CFAP221: variants seen among roughly 807,000 people sequenced by gnomAD.
CFAP221 encodes cilia and flagella associated protein 221, also known as cilia- and flagella-associated protein 221.
A neutral mutation model predicts 113.1 loss-of-function variants in CFAP221; 97 were observed. That is an observed-to-expected ratio of 0.86 (90% CI 0.73 to 1.02). The LOEUF (loss-of-function observed/expected upper bound fraction) is 1.02, where lower values mean the gene tolerates loss of function less well. Among genes scored for constraint, CFAP221 ranks in the 50% least tolerant of loss-of-function variants. CFAP221 has a pLI of 0.00. For synonymous variants in CFAP221, 331 were observed against 354.4 expected (o/e 0.93, Z 0.74); for missense variants, 1,025 against 1,013.4 (o/e 1.01, Z -0.16).
intron 11 of CFAP221, among the ~76,000 whole-genome samples, chr2:119,605,779 A>G (rs1684709416): frequency 6.6e-6 from 1 of 151,880 alleles, no homozygotes; most frequent in African/African-American, 2.4e-5. Flanking sequence ...TTTTTTTTTT[A>G]CCAGATCAGA....
At chr2:119,621,476 A>G (rs1321258251) in intron 14 of CFAP221, among the ~76,000 whole-genome samples, 2 of 152,192 alleles carry the variant, frequency 1.3e-5, no homozygotes, top group South Asian at 2.1e-4. Flanking sequence ...AATATTAGAA[A>G]GATCAATGGG....
intron 3 of CFAP221, among the ~76,000 whole-genome samples, chr2:119,557,958 CAAAAA>C (rs11286852): frequency 2.1e-4 from 22 of 103,994 alleles, no homozygotes; most frequent in Admixed American, 8.0e-4. Context: ...GACTCCGTCT[CAAAAA>C]AAAAAAAAAA....
intron 22 of CFAP221, among the ~76,000 whole-genome samples, chr2:119,651,504 A>G (rs746325987): frequency 0.028 from 4,321 of 152,260 alleles, 92 homozygotes; most frequent in Non-Finnish European, 0.039. Context: ...AAAAAAAAAA[A>G]AAAACTAGAC....
At chr2:119,599,874 ACTTATTAAGTG>A (rs1177864261) in intron 7 of CFAP221, among the ~76,000 whole-genome samples, 1 of 152,198 alleles carries the variant, frequency 6.6e-6, no homozygotes, top group African/African-American at 2.4e-5. Context: ...TGCCTGGCAC[ACTTATTAAGTG>A]CTTATTAAGT....
intron 8 of CFAP221, among the ~76,000 whole-genome samples, chr2:119,603,903 G>A (rs1329519782): frequency 1.3e-5 from 2 of 152,158 alleles, no homozygotes; most frequent in Non-Finnish European, 2.9e-5. Context: ...CGGGCTATTA[G>A]CTGCACTACC....
chr2:119,640,304 G>A (rs868159344), intron 21 of CFAP221, among the ~76,000 whole-genome samples: 1 of 151,792 alleles, frequency 6.6e-6, no homozygotes, highest in Non-Finnish European at 1.5e-5. Flanking sequence ...TGGCCCTCTT[G>A]TGCCACAGGC....
chr2:119,650,318 G>A (rs1025224127), intron 22 of CFAP221, among the ~76,000 whole-genome samples: 1 of 152,200 alleles, frequency 6.6e-6, no homozygotes, highest in Non-Finnish European at 1.5e-5. Context: ...CTTCAGTTCC[G>A]AAAAGGAATG....
At chr2:119,559,874 C>T in intron 4 of CFAP221, 54 bp from the exon 5 acceptor site, 1 of 1,487,898 alleles carries the variant, frequency 6.7e-7, no homozygotes, top group South Asian at 1.2e-5. Flanking sequence ...ACCCCCGGTG[C>T]TGCTCTCTGT....
chr2:119,645,849 T>C (rs1055994337), intron 21 of CFAP221, among the ~76,000 whole-genome samples: 2 of 152,192 alleles, frequency 1.3e-5, no homozygotes, highest in Non-Finnish European at 2.9e-5. Flanking sequence ...TCTAGGGTTC[T>C]AGAAATTTAT....
At chr2:119,646,774 C>G (rs1005555760) in intron 21 of CFAP221, among the ~76,000 whole-genome samples, 184 bp from the exon 22 acceptor site, 32 of 152,210 alleles carry the variant, frequency 2.1e-4, no homozygotes, top group Non-Finnish European at 7.3e-5. Flanking sequence ...CCAGGTTTGC[C>G]TGGGGCCTAT....
At chr2:119,625,982 A>G (rs774961642) in intron 15 of CFAP221, among the ~76,000 whole-genome samples, 4 of 152,162 alleles carry the variant, frequency 2.6e-5, no homozygotes, top group Non-Finnish European at 4.4e-5. Context: ...ATGCAAATTT[A>G]TCATCTCACA....
chr2:119,556,788 G>A (rs1255432310), intron 3 of CFAP221, among the ~76,000 whole-genome samples: 1 of 151,996 alleles, frequency 6.6e-6, no homozygotes, highest in African/African-American at 2.4e-5. Flanking sequence ...CTGACCTCAG[G>A]TGATCCACCT....
At chr2:119,580,911 C>G (rs1033569578) in intron 6 of CFAP221, 1 of 152,722 alleles carries the variant, frequency 6.5e-6, no homozygotes, top group Non-Finnish European at 1.5e-5. Context: ...GCACTTCCCA[C>G]GAAAGGAAGC....
At chr2:119,613,589 G>A (rs750113021) in intron 13 of CFAP221, among the ~76,000 whole-genome samples, 1 of 152,140 alleles carries the variant, frequency 6.6e-6, no homozygotes, top group Non-Finnish European at 1.5e-5. Flanking sequence ...CTGTACCTTG[G>A]CCCCTTTTAG....
chr2:119,652,299 T>C (rs779547878), intron 23 of CFAP221, among the ~76,000 whole-genome samples: 11 of 152,244 alleles, frequency 7.2e-5, no homozygotes, highest in Non-Finnish European at 1.3e-4. Context: ...TTCCATGTGC[T>C]TATCAATCAA....
chr2:119,617,927 C>G (rs946159777), intron 14 of CFAP221, among the ~76,000 whole-genome samples: 49 of 152,350 alleles, frequency 3.2e-4, no homozygotes, highest in Non-Finnish European at 5.1e-4. Context: ...GCTACCTCCT[C>G]TGCTCAGAGC....
rs552817202 is a variant in CFAP221 at position 119,579,571 on chromosome 2, A to G, written c.528-7548A>G. Among the ~76,000 whole-genome samples, 3 of 152,320 alleles carry G rather than the reference A, an allele frequency of 2.0e-5. No individual in the cohort carries two copies. The East Asian group carries it at 5.8e-4, about 29-fold the overall frequency. On this transcript the variant is annotated intron_variant, in intron 6 of 23. Transcript: ENST00000413369. The stretch of plus-strand genomic sequence containing the variant: ...CAGTAGTGAAAGCAAAAGTTCAGCA[A>G]TTCCACTGAAAACTGTACTACTTGC...
intron 13 of CFAP221, among the ~76,000 whole-genome samples, chr2:119,614,210 C>T (rs1685370228): frequency 6.6e-6 from 1 of 152,210 alleles, no homozygotes; most frequent in African/African-American, 2.4e-5. Context: ...TGGGCAAAGC[C>T]ATTCAACAAG....
intron 3 of CFAP221, among the ~76,000 whole-genome samples, chr2:119,551,335 TAAAG>T (rs1468688040): frequency 6.6e-6 from 1 of 152,236 alleles, no homozygotes; most frequent in Non-Finnish European, 1.5e-5. Flanking sequence ...TTTAGGGTAT[TAAAG>T]AAACAACTAA....
Sources: gnomAD v4.1 joint callset for allele counts (sites outside exome capture counted in the v4.1 genomes callset) on GRCh38, gnomAD v4.1.1 for gene constraint, MANE v1.5 for transcripts, NCBI Gene and HGNC (gene_info 2026-07-23, HGNC 2026-07-21) for gene names.